Variants in DAAM1 observed in about 807,000 individuals in gnomAD.
The protein encoded by DAAM1 is disheveled-associated activator of morphogenesis 1.
In DAAM1, 52 loss-of-function variants were observed where a neutral mutation model predicts 130.0. The ratio of observed to expected loss-of-function variants is 0.40; its 90% confidence interval spans 0.32 to 0.50. The LOEUF is 0.50. Among genes scored for constraint, DAAM1 ranks in the 20% least tolerant of loss-of-function variants. The pLI, the probability that DAAM1 is intolerant of heterozygous loss-of-function variation, is 0.61. For synonymous variants in DAAM1, 452 were observed against 444.5 expected (o/e 1.02, Z -0.21); for missense variants, 1,134 against 1,303.8 (o/e 0.87, Z 2.01).
intron 12 of DAAM1, among the ~76,000 whole-genome samples, chr14:59,329,648 G>A (rs1353261138): frequency 1.3e-5 from 2 of 152,186 alleles, no homozygotes; most frequent in Non-Finnish European, 2.9e-5. Flanking sequence ...AAAATCCGCA[G>A]CCTAAACTTT....
At chr14:59,328,876 TGTTA>T (rs1412142538) in intron 12 of DAAM1, among the ~76,000 whole-genome samples, 9 of 152,170 alleles carry the variant, frequency 5.9e-5, no homozygotes, top group Non-Finnish European at 8.8e-5. Context: ...TATAGTTAAA[TGTTA>T]GTTTTTTTCT....
At chr14:59,225,520 C>G (rs1452081514) in intron 1 of DAAM1, among the ~76,000 whole-genome samples, 1 of 152,226 alleles carries the variant, frequency 6.6e-6, no homozygotes, top group South Asian at 2.1e-4. Context: ...CCTCCTCTTT[C>G]TGTGCCTTTG....
At chr14:59,352,654 A>C (rs1317033270) in intron 18 of DAAM1, 22 bp downstream of exon 18, 2 of 1,586,922 alleles carry the variant, frequency 1.3e-6, no homozygotes, top group Admixed American at 3.4e-5. Context: ...AATGCTGGGA[A>C]TGTGAAGATG....
At chr14:59,242,426 C>T (rs999561983) in intron 1 of DAAM1, among the ~76,000 whole-genome samples, 1 of 152,170 alleles carries the variant, frequency 6.6e-6, no homozygotes, top group African/African-American at 2.4e-5. Flanking sequence ...ATAGCATTGG[C>T]TTTGCCAATC....
chr14:59,272,011 T>G (rs1882731319), intron 2 of DAAM1, among the ~76,000 whole-genome samples: 1 of 152,190 alleles, frequency 6.6e-6, no homozygotes, highest in African/African-American at 2.4e-5. Context: ...TTTAATCTAT[T>G]GTTTATTAGA....
intron 1 of DAAM1, among the ~76,000 whole-genome samples, chr14:59,226,535 G>A (rs1013816052): frequency 6.6e-6 from 1 of 152,124 alleles, no homozygotes. Flanking sequence ...TAGCAGGATT[G>A]GGGGTGGGAT....
At chr14:59,341,278 A>G (rs1052576496) in intron 16 of DAAM1, among the ~76,000 whole-genome samples, 2 of 152,148 alleles carry the variant, frequency 1.3e-5, no homozygotes, top group Admixed American at 1.3e-4. Flanking sequence ...AAATGGCCGT[A>G]CCCTGTGTTT....
intron 2 of DAAM1, among the ~76,000 whole-genome samples, chr14:59,275,816 T>G (rs866213858): frequency 6.6e-6 from 1 of 152,346 alleles, no homozygotes; most frequent in South Asian, 2.1e-4. Context: ...GTTTCTCACT[T>G]CTTATTTTTA....
chr14:59,309,071 GAT>G (rs1786495078), intron 3 of DAAM1, among the ~76,000 whole-genome samples: 1 of 152,204 alleles, frequency 6.6e-6, no homozygotes, highest in Non-Finnish European at 1.5e-5. Context: ...GCAAGCTTCA[GAT>G]ATAGAATATA....
At chr14:59,323,628 T>C (rs986915508) in intron 6 of DAAM1, among the ~76,000 whole-genome samples, 1 of 152,238 alleles carries the variant, frequency 6.6e-6, no homozygotes, top group Non-Finnish European at 1.5e-5. Context: ...GCAAAGGCTT[T>C]TGTATACATG....
At chr14:59,262,653 A>AGT (rs5809025) in intron 1 of DAAM1, among the ~76,000 whole-genome samples, 15,822 of 140,434 alleles carry the variant, frequency 0.11, 891 homozygotes, top group Non-Finnish European at 0.14. Flanking sequence ...ATATTCTATT[A>AGT]GTGTGTGTGT....
intron 1 of DAAM1, among the ~76,000 whole-genome samples, chr14:59,222,240 A>T (rs1888796561): frequency 6.6e-6 from 1 of 152,204 alleles, no homozygotes; most frequent in South Asian, 2.1e-4. Flanking sequence ...GCTTGGTCAG[A>T]AGCAATGCTT....
At chr14:59,207,875 C>A (rs1164802276) in intron 1 of DAAM1, among the ~76,000 whole-genome samples, 1 of 152,114 alleles carries the variant, frequency 6.6e-6, no homozygotes, top group Non-Finnish European at 1.5e-5. Context: ...ACAGCAGTCC[C>A]TTCTCTGAGA....
chr14:59,231,747 G>C (rs1368120458), intron 1 of DAAM1, among the ~76,000 whole-genome samples: 5 of 152,240 alleles, frequency 3.3e-5, no homozygotes, highest in Admixed American at 3.3e-4. Flanking sequence ...TCAGTGCCTG[G>C]CATACAGTAT....
intron 1 of DAAM1, among the ~76,000 whole-genome samples, chr14:59,209,105 G>A (rs555058378): frequency 2.6e-4 from 39 of 152,134 alleles, no homozygotes; most frequent in Non-Finnish European, 4.6e-4. Flanking sequence ...GCTTAGTTGC[G>A]CATGTGCATG....
intron 12 of DAAM1, among the ~76,000 whole-genome samples, chr14:59,328,995 G>C (rs139249755): frequency 6.6e-6 from 1 of 152,320 alleles, no homozygotes; most frequent in South Asian, 2.1e-4. Flanking sequence ...CTAAAATGTA[G>C]AGAATATTTG....
At position 59,331,222 on chromosome 14, in the gene DAAM1, C is replaced by A. The variant is rs951757010; in HGVS notation, c.1574C>A (p.Ala525Asp). ...TTATCTTTTCAGAGGGCCGTCTGTGCTTCAATCCCAGGTGGACCCTCGCCT... is the reference window on the plus strand; with the variant it reads ...TTATCTTTTCAGAGGGCCGTCTGTGATTCAATCCCAGGTGGACCCTCGCCT... The part of the protein sequence containing the change: ...LHELSRRAVC[A>D]SIPGGPSPGA... The change falls in exon 14 of 25, where the codon GCT (alanine) becomes GAT (aspartate). Residue 525 changes from alanine (A) to aspartate (D), a missense_variant. By Grantham distance (126) the Ala-to-Asp change is moderately radical. This residue lies in a region of DAAM1 where 644 missense variants were observed against 695.9 expected (regional missense o/e 0.93). Coordinates refer to ENST00000360909, the MANE Select transcript of DAAM1 (RefSeq NM_001270520.2). 6 of 1,612,910 alleles carry A rather than the reference C, an allele frequency of 3.7e-6. No individual in the cohort carries two copies. The highest frequency in any genetic ancestry group is 1.7e-5 in the Admixed American group (1 of 60,006).
chr14:59,343,443 C>T (rs73298088), intron 16 of DAAM1, among the ~76,000 whole-genome samples: 5,978 of 152,226 alleles, frequency 0.039, 358 homozygotes, highest in African/African-American at 0.14. Flanking sequence ...TTCCTACCTT[C>T]TCACACTTAC....
chr14:59,338,609 A>T (rs184275503), intron 15 of DAAM1, among the ~76,000 whole-genome samples: 1 of 152,226 alleles, frequency 6.6e-6, no homozygotes, highest in Admixed American at 6.5e-5. Flanking sequence ...TTAGCATGAG[A>T]CAGTTGACAT....
Sources: gnomAD v4.1 joint callset for allele counts (sites outside exome capture counted in the v4.1 genomes callset) on GRCh38, gnomAD v4.1.1 for gene constraint, gnomAD v4.1.1 regional missense constraint, MANE v1.5 for transcripts, NCBI Gene and HGNC (gene_info 2026-07-23, HGNC 2026-07-21) for gene names.